MYO19: variants seen among roughly 807,000 people sequenced by gnomAD.
MYO19 encodes the protein myosin XIX.
A neutral mutation model predicts 129.2 loss-of-function variants in MYO19; 132 were observed. The ratio of observed to expected loss-of-function variants is 1.02; its 90% CI spans 0.89 to 1.18. The LOEUF is 1.18. Among genes scored for constraint, MYO19 ranks in the 50% most tolerant of loss-of-function variants. The probability of loss-of-function intolerance (pLI) is 0.00; values close to 1 mark genes in which losing one functional copy is unlikely to be tolerated. For missense variants in MYO19, 1,210 were observed against 1,216.7 expected (o/e 0.99, Z 0.08); for synonymous variants, 531 against 477.2 (o/e 1.11, Z -1.47).
rs2071733008 is a variant in MYO19 at position 36,504,299 on chromosome 17, C to T, written c.1906-279G>A. 1.4e-5 allele frequency: 6 copies of T among 439,054 alleles called. No individual in the cohort carries two copies. The East Asian group carries it at 2.3e-4, about 17-fold the overall frequency. 27.2% of individuals were successfully genotyped at this position (439,054 alleles called of 1,614,324 possible). On this transcript the variant is annotated intron_variant, in intron 19 of 25. Coordinates refer to ENST00000614623, the MANE Select transcript of MYO19 (RefSeq NM_001163735.2). ...AGTGATGTCCTGGCTCCGTCTCACCCTGCCCTCAGTGTAGTCTCACTACCA... is the reference window on the plus strand; with the variant it reads ...AGTGATGTCCTGGCTCCGTCTCACCTTGCCCTCAGTGTAGTCTCACTACCA...
chr17:36,528,540 G>A (rs2073634589), intron 3 of MYO19, among the ~76,000 whole-genome samples: 1 of 151,744 alleles, frequency 6.6e-6, no homozygotes, highest in Non-Finnish European at 1.5e-5. Flanking sequence ...AAACATGAAG[G>A]CCGCGACAGC....
upstream of MYO19, chr17:36,535,586 A>T (rs1426041018): frequency 1.3e-5 from 2 of 152,228 alleles, no homozygotes; most frequent in African/African-American, 4.8e-5. Context: ...CGCCGGCACC[A>T]TTTGGAGTAC....
chr17:36,509,153 T>A lies in MYO19; in HGVS notation c.1158-18A>T. The A allele has an allele frequency of 6.2e-7, 1 of 1,612,054 alleles. No individual in the cohort carries two copies. Among genetic ancestry groups the A allele is most frequent in the Non-Finnish European group, 8.5e-7 (1 of 1,178,720 alleles). On this transcript the variant is annotated intron_variant, in intron 13 of 25. Coordinates refer to ENST00000614623, the MANE Select transcript of MYO19 (RefSeq NM_001163735.2). ...CAAACAACCTGTTGGGGGAAGAGAG[T>A]GGACTCTGGTAAGAGGGTCTGGCTG... is the stretch of plus-strand genomic sequence containing the variant.
intron 25 of MYO19, among the ~76,000 whole-genome samples, chr17:36,496,655 A>G (rs1299807736): frequency 6.6e-6 from 1 of 152,082 alleles, no homozygotes; most frequent in Non-Finnish European, 1.5e-5. Context: ...AGGGCAAAAC[A>G]TTTACCCTTC....
chr17:36,518,117 T>C (rs1332859796), intron 6 of MYO19, among the ~76,000 whole-genome samples: 1 of 148,074 alleles, frequency 6.8e-6, no homozygotes, highest in Non-Finnish European at 1.5e-5. Flanking sequence ...GTAATGAAGA[T>C]GTTGTGCTTT....
At chr17:36,505,475 G>A in intron 18 of MYO19, 71 bp from the exon 19 acceptor site, 1 of 1,118,832 alleles carries the variant, frequency 8.9e-7, no homozygotes, top group Non-Finnish European at 1.3e-6. Flanking sequence ...GCTCTGGTTA[G>A]TAACTACATC....
rs768830269 is a variant in MYO19 at position 36,498,369 on chromosome 17, A to T, written c.2654T>A (p.Val885Glu). Residue 885 changes from valine (V) to glutamate (E), a missense_variant, in exon 25 of 26, where the codon GTG (valine) becomes GAG (glutamate). Transcript: ENST00000614623. ...GGGGAGCTGGAGGCAAGCCCAGACC[A>T]CTAATTTCCTCTGAAAGCTGCCTAC... ...MGVGSFQRKL[V>E]VWACLQLPRG... 5 of 1,614,012 alleles carry T rather than the reference A, an allele frequency of 3.1e-6. No individual in the cohort carries two copies. Among genetic ancestry groups the T allele is most frequent in the Non-Finnish European group, 4.2e-6 (5 of 1,179,896 alleles).
chr17:36,512,901 GA>G (rs950391387), intron 11 of MYO19: 102 of 1,027,782 alleles, frequency 9.9e-5, no homozygotes, highest in Non-Finnish European at 1.3e-4. Context: ...TCCAGAGGAC[GA>G]CGGGGCACGG....
chr17:36,499,657 T>TTC (rs2071339328), intron 23 of MYO19: 1 of 140,694 alleles, frequency 7.1e-6, no homozygotes, highest in African/African-American at 3.1e-5. Flanking sequence ...TCTTTTTCTT[T>TTC]TTGTTTCTTT....
upstream of MYO19, chr17:36,537,925 C>G (rs560786982): frequency 9.3e-6 from 15 of 1,614,046 alleles, 1 homozygote; most frequent in South Asian, 1.6e-4. Context: ...TACCAGCTAG[C>G]CCTTGACTTT....
intron 23 of MYO19, chr17:36,499,667 T>TC (rs1567729183): frequency 8.6e-6 from 1 of 116,272 alleles, no homozygotes; most frequent in African/African-American, 3.6e-5. Flanking sequence ...TTTGTTTCTT[T>TC]TTTTTTTTTT....
chr17:36,498,194 G>T (rs1008823477), intron 25 of MYO19, 72 bp downstream of exon 25: 3 of 1,517,606 alleles, frequency 2.0e-6, no homozygotes, highest in African/African-American at 1.4e-5. Context: ...TCTCATTCCC[G>T]CTGTGAACTT....
Position 36,528,183 on chromosome 17 carries a change from C to A in MYO19, c.32G>T (p.Gly11Val). Residue 11 changes from glycine (G) to valine (V), a missense_variant, in exon 4 of 26, where the codon GGG becomes GTG. Physicochemically the swap from Gly to Val is moderately radical, Grantham distance 109. Coordinates refer to ENST00000614623, the MANE Select transcript of MYO19 (RefSeq NM_001163735.2). Reference sequence around the variant, plus strand: ...GTACTCCCTGGCTTGGCCATCAGACCCCGGATTGTGGCCATTGACCTGGAA... The same window carrying A: ...GTACTCCCTGGCTTGGCCATCAGACACCGGATTGTGGCCATTGACCTGGAA... MLQQVNGHNP[G>V]SDGQAREYLR... 3 of 1,592,004 alleles carry A rather than the reference C, an allele frequency of 1.9e-6. No homozygotes were observed. The highest frequency in any genetic ancestry group is 2.6e-6 in the Non-Finnish European group (3 of 1,168,606).
At chr17:36,506,940 A>C in intron 17 of MYO19, 23 bp downstream of exon 17, 1 of 1,555,264 alleles carries the variant, frequency 6.4e-7, no homozygotes, top group Non-Finnish European at 8.7e-7. Flanking sequence ...CGCAGGCCCC[A>C]CAGGGCATGG....
Position 36,525,294 on chromosome 17 carries a change from A to G in MYO19, c.348T>C (p.Asn116=). Residue 116 remains asparagine, a synonymous_variant, in exon 6 of 26, where the codon AAT becomes AAC. Transcript: ENST00000614623. ...VFTVGEQTYR[N]VKSLIEPVNQ... is the part of the protein sequence containing the mutation. ...TGACTGGTTCAATCAGGCTCTTGACATTCCTGTAGGTCTGTTCACCCACAG... is the reference window on the plus strand; with the variant it reads ...TGACTGGTTCAATCAGGCTCTTGACGTTCCTGTAGGTCTGTTCACCCACAG... The G allele has an allele frequency of 6.2e-7, 1 of 1,613,946 alleles. No homozygotes were observed. The highest frequency in any genetic ancestry group is 8.5e-7 in the Non-Finnish European group (1 of 1,179,852).
intron 6 of MYO19, among the ~76,000 whole-genome samples, 162 bp from the exon 7 acceptor site, chr17:36,516,152 T>G (rs564622286): frequency 2.0e-5 from 3 of 152,190 alleles, no homozygotes; most frequent in Non-Finnish European, 4.4e-5. Context: ...AGGCACTTCC[T>G]CTACCTCTGT....
At position 36,527,561 on chromosome 17, in the gene MYO19, G is replaced by A. The variant is rs990503519; in HGVS notation, c.290C>T (p.Pro97Leu). 4 of 1,613,644 alleles carry A rather than the reference G, an allele frequency of 2.5e-6. No individual in the cohort carries two copies. In the Admixed American group the frequency reaches 6.7e-5, roughly 27 times the overall value. ...GCGGCAGAGCCTTACCTGGGGCTGAGGCGCAGCATGGTACTCTCTCATTAG... is the reference window on the plus strand; with the variant it reads ...GCGGCAGAGCCTTACCTGGGGCTGAAGCGCAGCATGGTACTCTCTCATTAG... ...PELMREYHAA[P>L]QPQKLKPHVF... The change falls in exon 5 of 26, where the codon CCT (proline) becomes CTT (leucine). Residue 97 changes from proline (P) to leucine (L), a missense_variant. Transcript: ENST00000614623.
At chr17:36,528,553 G>A (rs2073636424) in intron 3 of MYO19, among the ~76,000 whole-genome samples, 1 of 151,934 alleles carries the variant, frequency 6.6e-6, no homozygotes, top group Non-Finnish European at 1.5e-5. Context: ...GCGACAGCTG[G>A]TACTCAAAAC....
chr17:36,538,504 C>G (rs1260998846), upstream of MYO19: 3 of 1,613,840 alleles, frequency 1.9e-6, no homozygotes, highest in Non-Finnish European at 2.5e-6. Flanking sequence ...ATGGTAGATA[C>G]ATTACACAGC....
Sources: allele counts gnomAD v4.1 joint callset (sites outside exome capture counted in the v4.1 genomes callset), GRCh38; gene constraint gnomAD v4.1.1; transcripts MANE v1.5; gene names NCBI Gene and HGNC (gene_info 2026-07-23, HGNC 2026-07-21).